GSN: variants seen among roughly 807,000 people sequenced by gnomAD.
GSN encodes the protein gelsolin.
Under a neutral mutation model 85.7 loss-of-function variants are expected in GSN, and 56 were observed. The observed-to-expected ratio is 0.65, with a 90% confidence interval of 0.53 to 0.82. The LOEUF (loss-of-function observed/expected upper bound fraction) is 0.82, where lower values mean the gene tolerates loss of function less well. Ranked by LOEUF, GSN falls within the 40% of genes least tolerant of loss-of-function variation. The pLI is 0.00. For missense variants in GSN, 857 were observed against 979.8 expected (o/e 0.87, Z 1.67); for synonymous variants, 373 against 399.1 (o/e 0.93, Z 0.78).
intron 4 of GSN, among the ~76,000 whole-genome samples, chr9:121,227,673 C>G (rs1392339126): frequency 6.6e-6 from 1 of 152,134 alleles, no homozygotes; most frequent in Non-Finnish European, 1.5e-5. Context: ...GCAGATGTCC[C>G]CTGGAGAACT....
Position 121,329,376 on chromosome 9 carries a change from A to G in GSN, c.1965+61A>G, listed in dbSNP as rs1288938042. 5.0e-6 allele frequency: 5 copies of G among 1,006,248 alleles called. No individual in the cohort carries two copies. The highest frequency in any genetic ancestry group is 6.4e-6 in the Non-Finnish European group (4 of 625,580). 62.3% of individuals were successfully genotyped at this position (1,006,248 alleles called of 1,614,324 possible). A position where few individuals can be genotyped will look rare whatever the true frequency, so the allele number is the denominator to read the frequency against. On this transcript the variant is annotated intron_variant, in intron 16 of 17. Transcript: ENST00000432226. The surrounding 1 kb of genome is among the most constrained non-coding windows in gnomAD (Gnocchi z 4.6). Reference sequence around the variant, plus strand: ...AGGGAGTGGGAGAAACTAGACTTCCAGTTCTATGATCAGTTGCTAGAAGGA... The same window carrying G: ...AGGGAGTGGGAGAAACTAGACTTCCGGTTCTATGATCAGTTGCTAGAAGGA...
upstream of GSN, among the ~76,000 whole-genome samples, chr9:121,206,097 T>C (rs543821778): frequency 6.6e-6 from 1 of 152,078 alleles, no homozygotes; most frequent in Non-Finnish European, 1.5e-5. Context: ...GTATTGAAGA[T>C]TTAGAAGAAC....
chr9:121,313,531 C>A, intron 6 of GSN: 1 of 304,260 alleles, frequency 3.3e-6, no homozygotes, highest in Non-Finnish European at 6.5e-6. Context: ...CTTCATCTTT[C>A]TGGACCTCAG....
chr9:121,209,727 T>G (rs2053940380), intron 2 of GSN, among the ~76,000 whole-genome samples: 1 of 152,126 alleles, frequency 6.6e-6, no homozygotes, highest in South Asian at 2.1e-4. Context: ...GAATAAACAC[T>G]CAGGAAACAG....
the GSN span, among the ~76,000 whole-genome samples, chr9:121,202,720 TATAA>T: frequency 6.6e-6 from 1 of 152,254 alleles, no homozygotes. Context: ...TAAATATATG[TATAA>T]ATATTTAACA....
chr9:121,237,848 A>G (rs965579503), intron 5 of GSN, among the ~76,000 whole-genome samples: 3 of 152,234 alleles, frequency 2.0e-5, no homozygotes, highest in African/African-American at 7.2e-5. Flanking sequence ...TACAATGCAA[A>G]CATCAATAAG....
At chr9:121,328,821 C>G (rs1253947253) in intron 14 of GSN, 70 bp from the exon 15 acceptor site, 1 of 1,555,846 alleles carries the variant, frequency 6.4e-7, no homozygotes, top group Non-Finnish European at 8.8e-7. Flanking sequence ...AGGGCTGGTC[C>G]CAGGGTCCGA....
At chr9:121,288,468 C>G (rs560668686) in intron 2 of GSN, among the ~76,000 whole-genome samples, 1 of 152,312 alleles carries the variant, frequency 6.6e-6, no homozygotes, top group Admixed American at 6.5e-5. Flanking sequence ...ACGGTTGGCA[C>G]AGGCCTAGCA....
At chr9:121,250,675 C>CTA (rs1478178475) in intron 6 of GSN, among the ~76,000 whole-genome samples, 1 of 150,424 alleles carries the variant, frequency 6.6e-6, no homozygotes, top group African/African-American at 2.4e-5. Context: ...GTAGCTGAGA[C>CTA]TACAGGCATG....
intron 4 of GSN, among the ~76,000 whole-genome samples, chr9:121,225,938 G>A (rs921627360): frequency 3.9e-5 from 6 of 152,152 alleles, no homozygotes; most frequent in Non-Finnish European, 8.8e-5. Flanking sequence ...CCAAGTAGCT[G>A]GGACTACCAG....
rs747552872 is a variant in GSN, at chr9:121,281,871, C to T, written c.-10+309C>T. The stretch of plus-strand genomic sequence containing the variant: ...ACTTTAGGAGAGTTGCTTTCCCTCT[C>T]AAGGCCTTGGTTGCTATTCTGTAGA... On this transcript the variant is annotated intron_variant, in intron 2 of 17. Transcript: ENST00000432226. 2.8e-5 allele frequency: 13 copies of T among 471,138 alleles called. No homozygotes were observed. The East Asian group carries it at 4.2e-4, about 15-fold the overall frequency. 29.2% of individuals were successfully genotyped at this position (471,138 alleles called of 1,614,324 possible).
intron 5 of GSN, chr9:121,238,072 AC>A (rs1265220153): frequency 3.5e-4 from 54 of 152,418 alleles, no homozygotes; most frequent in African/African-American, 1.3e-3. Context: ...AGAAAACAGA[AC>A]CAGCATTTCA....
intron 4 of GSN, among the ~76,000 whole-genome samples, chr9:121,218,979 C>G (rs1375398523): frequency 2.0e-5 from 3 of 152,200 alleles, no homozygotes; most frequent in South Asian, 4.1e-4. Context: ...CTGAAATGAT[C>G]TGGTATTTGG....
In GSN at chr9:121,328,847, G is replaced by A. The variant is rs368555695; in HGVS notation, c.1763-44G>A. On this transcript the variant is annotated intron_variant, in intron 14 of 17. Coordinates refer to ENST00000432226, the MANE Select transcript of GSN (RefSeq NM_198252.3). Reference sequence around the variant, plus strand: ...CAGGGTCCGATGAGATGGGAGAGAGGGGTGATGGCGTCCCTTGGCAACTGG... The same window carrying A: ...CAGGGTCCGATGAGATGGGAGAGAGAGGTGATGGCGTCCCTTGGCAACTGG... 43 of 1,603,014 alleles carry A rather than the reference G, an allele frequency of 2.7e-5. 1 individual carries two copies. In the East Asian group the frequency reaches 7.8e-4, roughly 29 times the overall value.
intron 5 of GSN, among the ~76,000 whole-genome samples, chr9:121,232,388 CT>C (rs1338101663): frequency 6.6e-6 from 1 of 152,206 alleles, no homozygotes; most frequent in Non-Finnish European, 1.5e-5. Context: ...TAAAGCCAGG[CT>C]TCTGATTTAT....
At chr9:121,231,181 G>A (rs2054381780) in exon 5 of GSN, 1 of 152,184 alleles carries the variant, frequency 6.6e-6, no homozygotes, top group South Asian at 2.1e-4. Context: ...CTGTTTAGAA[G>A]GAGAAAGAAG....
intron 14 of GSN, 103 bp downstream of exon 14, chr9:121,327,585 C>G: frequency 1.1e-6 from 1 of 876,030 alleles, no homozygotes; most frequent in East Asian, 2.7e-5. Flanking sequence ...CTCCATCCCA[C>G]CTGAGGGCCT....
intron 1 of GSN, among the ~76,000 whole-genome samples, chr9:121,279,485 G>C (rs2057078576): frequency 6.6e-6 from 1 of 152,076 alleles, no homozygotes; most frequent in African/African-American, 2.4e-5. Context: ...GTGGGGAGAA[G>C]GGGGGACACT....
chr9:121,288,529 C>T (rs542250567), intron 2 of GSN, among the ~76,000 whole-genome samples: 51 of 152,310 alleles, frequency 3.3e-4, no homozygotes, highest in African/African-American at 1.2e-3. Context: ...AAGCATCTTA[C>T]ATGCATTACC....
Sources: gnomAD v4.1 joint callset for allele counts (sites outside exome capture counted in the v4.1 genomes callset) on GRCh38, gnomAD v4.1.1 for gene constraint, Gnocchi (gnomAD v3.1) non-coding constraint, MANE v1.5 for transcripts, NCBI Gene and HGNC (gene_info 2026-07-23, HGNC 2026-07-21) for gene names.